The following PTPN12 variants were observed in gnomAD, a reference collection of about 807,000 sequenced individuals.
The protein encoded by PTPN12 is protein tyrosine phosphatase non-receptor type 12, also known as tyrosine-protein phosphatase non-receptor type 12.
Under a neutral mutation model 97.6 loss-of-function variants are expected in PTPN12, and 29 were observed. That is an observed-to-expected ratio of 0.30 (90% confidence interval 0.22 to 0.41). PTPN12 has a LOEUF of 0.41. Among genes scored for constraint, PTPN12 ranks in the 10% least tolerant of loss-of-function variants. The pLI is 1.00. For missense variants in PTPN12, 819 were observed against 926.0 expected (o/e 0.88, Z 1.50); for synonymous variants, 327 against 300.4 (o/e 1.09, Z -0.91).
rs773937831 is a variant in PTPN12 at position 77,537,692 on chromosome 7, C to A, written c.99+47C>A. 2.6e-6 allele frequency: 4 copies of A among 1,531,584 alleles called. No individual in the cohort carries two copies. The South Asian group carries it at 3.6e-5, about 14-fold the overall frequency. The allele number at this position is 1,531,584 out of a possible 1,614,324, so 94.9% of individuals were successfully genotyped here. A position where few individuals can be genotyped will look rare whatever the true frequency, so the allele number is the denominator to read the frequency against. On this transcript the variant is annotated intron_variant, in intron 1 of 17. Transcript: ENST00000248594. Reference sequence around the variant, plus strand: ...CGCGTTTTCTTGCCGGCGCCGGAGCCCATCGCCGCCTCTCCCGGCCGGGCC... The same window carrying A: ...CGCGTTTTCTTGCCGGCGCCGGAGCACATCGCCGCCTCTCCCGGCCGGGCC...
intron 14 of PTPN12, among the ~76,000 whole-genome samples, chr7:77,634,772 G>T (rs187603713): frequency 0.013 from 1,956 of 151,526 alleles, 12 homozygotes; most frequent in Middle Eastern, 0.031. Context: ...TAGAGACAGG[G>T]TTTCACCATG....
intron 5 of PTPN12, among the ~76,000 whole-genome samples, chr7:77,590,408 CAAAAATAATT>C (rs1394132868): frequency 6.6e-6 from 1 of 152,044 alleles, no homozygotes; most frequent in African/African-American, 2.4e-5. Context: ...TTTAAACTCT[CAAAAATAATT>C]TAAGGTCCAA....
intron 3 of PTPN12, among the ~76,000 whole-genome samples, chr7:77,582,925 T>C (rs1241990354): frequency 6.6e-6 from 1 of 152,148 alleles, no homozygotes; most frequent in African/African-American, 2.4e-5. Flanking sequence ...AAATTGATAG[T>C]TTGCTATTTC....
chr7:77,573,115 C>A (rs1203373863), intron 2 of PTPN12, among the ~76,000 whole-genome samples: 30 of 116,186 alleles, frequency 2.6e-4, no homozygotes, highest in East Asian at 1.6e-3. Context: ...CAAAAAAAAC[C>A]AGTGTACCTA....
At chr7:77,604,209 C>CTTTTTTTTTTTTTTTTTTTTTTTTTT (rs71082768) in intron 8 of PTPN12, among the ~76,000 whole-genome samples, 3 of 52,788 alleles carry the variant, frequency 5.7e-5, no homozygotes, top group Non-Finnish European at 9.3e-5. Flanking sequence ...TTTTTTCTTC[C>CTTTTTTTTTTTTTTTTTTTTTTTTTT]TTTTTTTTTT....
chr7:77,548,249 T>A (rs1807314366), intron 1 of PTPN12, among the ~76,000 whole-genome samples: 2 of 152,208 alleles, frequency 1.3e-5, no homozygotes, highest in Non-Finnish European at 2.9e-5. Context: ...TAAGGCAGCT[T>A]ATTTATAATG....
intron 1 of PTPN12, among the ~76,000 whole-genome samples, chr7:77,538,548 C>T (rs1806784396): frequency 1.3e-5 from 2 of 151,802 alleles, no homozygotes; most frequent in Non-Finnish European, 2.9e-5. Flanking sequence ...CCCGCCTCCG[C>T]CACCCCCTAC....
intron 6 of PTPN12, among the ~76,000 whole-genome samples, chr7:77,595,164 G>C (rs1199602806): frequency 1.3e-5 from 2 of 152,184 alleles, no homozygotes; most frequent in Admixed American, 1.3e-4. Context: ...ATTTGTCAGC[G>C]TCAGGATTGA....
intron 1 of PTPN12, among the ~76,000 whole-genome samples, chr7:77,558,442 T>G (rs1317919387): frequency 6.6e-6 from 1 of 152,120 alleles, no homozygotes; most frequent in Admixed American, 6.6e-5. Context: ...AAATAGTATG[T>G]CCAAGTATGC....
intron 16 of PTPN12, 58 bp downstream of exon 16, chr7:77,637,106 C>A: frequency 7.5e-7 from 1 of 1,331,740 alleles, no homozygotes; most frequent in Non-Finnish European, 1.1e-6. Context: ...TTAATTTCTA[C>A]AAAATAACAT....
rs370750833 is a variant in PTPN12 at position 77,584,256 on chromosome 7, C to A, written c.381+606C>A. Among the ~76,000 whole-genome samples, 7 of 152,196 alleles carry A rather than the reference C, an allele frequency of 4.6e-5. No homozygotes were observed. The East Asian group carries it at 5.8e-4, about 13-fold the overall frequency. On this transcript the variant is annotated intron_variant, in intron 4 of 17. Coordinates refer to ENST00000248594, the MANE Select transcript of PTPN12 (RefSeq NM_002835.4). ...TGGAAAATCAGTAATGTGAAACTTT[C>A]ATTTTTGTCTTACGGCTTTTTAATG...
intron 6 of PTPN12, among the ~76,000 whole-genome samples, chr7:77,596,934 T>G (rs1390145651): frequency 6.6e-6 from 1 of 152,212 alleles, no homozygotes; most frequent in Admixed American, 6.5e-5. Context: ...CTATACATTC[T>G]GTGGGTTTGA....
At chr7:77,547,970 T>C (rs1429741380) in intron 1 of PTPN12, among the ~76,000 whole-genome samples, 1 of 152,208 alleles carries the variant, frequency 6.6e-6, no homozygotes, top group Non-Finnish European at 1.5e-5. Context: ...TGGCCTGTGT[T>C]CCTGAGTGTT....
intron 1 of PTPN12, among the ~76,000 whole-genome samples, chr7:77,568,351 G>A (rs1394984919): frequency 6.6e-6 from 1 of 152,152 alleles, no homozygotes; most frequent in Non-Finnish European, 1.5e-5. Flanking sequence ...AGTCTGGAGT[G>A]GGCCAGGCAT....
intron 7 of PTPN12, 63 bp downstream of exon 7, chr7:77,597,964 A>G: frequency 5.1e-6 from 8 of 1,579,274 alleles, no homozygotes; most frequent in African/African-American, 1.3e-5. Flanking sequence ...GCAGTGGCTC[A>G]TGCCTGTAAT....
intron 1 of PTPN12, among the ~76,000 whole-genome samples, chr7:77,551,316 C>T (rs1172683819): frequency 6.6e-6 from 1 of 152,206 alleles, no homozygotes; most frequent in East Asian, 1.9e-4. Context: ...CCGCCTTGGC[C>T]TCCCAAAGTG....
chr7:77,623,839 A>G (rs957877306), intron 12 of PTPN12, among the ~76,000 whole-genome samples: 1 of 152,338 alleles, frequency 6.6e-6, no homozygotes, highest in African/African-American at 2.4e-5. Flanking sequence ...CATATTTTCT[A>G]TTTGTATTAT....
intron 8 of PTPN12, among the ~76,000 whole-genome samples, chr7:77,602,136 A>G (rs913140241): frequency 2.6e-5 from 4 of 151,926 alleles, no homozygotes; most frequent in Non-Finnish European, 5.9e-5. Context: ...CTTTGGGGGA[A>G]TGAACATGAG....
At chr7:77,624,629 C>T (rs905352299) in intron 12 of PTPN12, among the ~76,000 whole-genome samples, 9 of 151,476 alleles carry the variant, frequency 5.9e-5, no homozygotes, top group African/African-American at 1.2e-4. Context: ...TTAGTAGAGA[C>T]GGGGTTTTGC....
Sources: allele counts gnomAD v4.1 joint callset (sites outside exome capture counted in the v4.1 genomes callset), GRCh38; gene constraint gnomAD v4.1.1; transcripts MANE v1.5; gene names NCBI Gene and HGNC (gene_info 2026-07-23, HGNC 2026-07-21).